The following GPC6 variants were observed in gnomAD, a reference collection of about 807,000 sequenced individuals.
GPC6 encodes glypican 6.
Under a neutral mutation model 55.2 loss-of-function variants are expected in GPC6, and 14 were observed. That is an observed-to-expected ratio of 0.25 (90% CI 0.17 to 0.40). The LOEUF is 0.40. Ranked by LOEUF, GPC6 falls within the 10% of genes least tolerant of loss-of-function variation. GPC6 has a pLI of 1.00. For missense variants in GPC6, 641 were observed against 708.5 expected, an observed-to-expected ratio of 0.90 and a Z score of 1.08; for synonymous variants, 278 against 259.6, an observed-to-expected ratio of 1.07 and a Z score of -0.68.
rs75079228 is a variant in GPC6 at position 93,797,674 on chromosome 13, C to T, written c.320-32480C>T. Reference sequence around the variant, plus strand: ...TTCATAAACTTCAGACAGAGGAGAACGTGTGAAATAATGGCCTAAGAGAGA... The same window carrying T: ...TTCATAAACTTCAGACAGAGGAGAATGTGTGAAATAATGGCCTAAGAGAGA... On this transcript the variant is annotated intron_variant, in intron 2 of 8. Transcript: ENST00000377047. 2.7e-3 allele frequency among the ~76,000 whole-genome samples: 413 copies of T among 151,996 alleles called. 5 individuals carry two copies. The East Asian group carries it at 0.048, about 17-fold the overall frequency.
chr13:93,967,462 T>C (rs1217580883), intron 3 of GPC6, among the ~76,000 whole-genome samples: 1 of 152,194 alleles, frequency 6.6e-6, no homozygotes, highest in East Asian at 1.9e-4. Flanking sequence ...CATTCCTACA[T>C]GCTCATATTT....
At chr13:93,880,624 T>G (rs999161315) in intron 3 of GPC6, among the ~76,000 whole-genome samples, 3 of 152,100 alleles carry the variant, frequency 2.0e-5, no homozygotes, top group Middle Eastern at 3.4e-3. Flanking sequence ...AGATGACGAG[T>G]TAATGGGTGC....
chr13:94,144,455 A>G, intron 4 of GPC6, among the ~76,000 whole-genome samples: 1 of 150,404 alleles, frequency 6.6e-6, no homozygotes, highest in Non-Finnish European at 1.5e-5. Flanking sequence ...CAGAAATGGA[A>G]CACCCATTTT....
intron 3 of GPC6, among the ~76,000 whole-genome samples, chr13:93,918,109 AT>A (rs1421907706): frequency 4.0e-5 from 6 of 149,548 alleles, no homozygotes; most frequent in Non-Finnish European, 1.5e-5. Context: ...AAAAAAAAAA[AT>A]CACATCTAAC....
At chr13:94,033,769 T>C (rs1267188655) in intron 4 of GPC6, among the ~76,000 whole-genome samples, 2 of 152,082 alleles carry the variant, frequency 1.3e-5, no homozygotes, top group African/African-American at 2.4e-5. Context: ...AATCTAAACA[T>C]AGAAAATGAT....
chr13:94,244,048 CAAGAT>C (rs1024887072), intron 4 of GPC6, among the ~76,000 whole-genome samples: 6 of 152,112 alleles, frequency 3.9e-5, no homozygotes, highest in Non-Finnish European at 8.8e-5. Flanking sequence ...AAAGGAAAGA[CAAGAT>C]AAATGTTTAA....
chr13:93,226,298 T>C (rs1397851401), upstream of GPC6, among the ~76,000 whole-genome samples: 6 of 152,212 alleles, frequency 3.9e-5, no homozygotes. Flanking sequence ...TAATGATTTC[T>C]GATCGAAGGC....
At chr13:94,240,079 G>A (rs997996163) in intron 4 of GPC6, among the ~76,000 whole-genome samples, 13 of 152,108 alleles carry the variant, frequency 8.5e-5, no homozygotes, top group Admixed American at 2.6e-4. Context: ...TAATAGCAGA[G>A]AGGCATATTT....
intron 6 of GPC6, among the ~76,000 whole-genome samples, chr13:94,318,831 A>G (rs996471150): frequency 1.3e-5 from 2 of 152,192 alleles, no homozygotes; most frequent in South Asian, 2.1e-4. Context: ...ATCAGTATAT[A>G]TAGTGATTTC....
chr13:93,585,908 T>C (rs1383077735), intron 2 of GPC6, among the ~76,000 whole-genome samples: 1 of 152,202 alleles, frequency 6.6e-6, no homozygotes, highest in African/African-American at 2.4e-5. Context: ...GAGCAGGCAC[T>C]GTCTAGGATG....
intron 1 of GPC6, among the ~76,000 whole-genome samples, chr13:93,257,560 A>G (rs749864684): frequency 5.3e-5 from 8 of 152,214 alleles, no homozygotes; most frequent in Non-Finnish European, 1.2e-4. Context: ...ATAAAACAGA[A>G]CATTTATTGA....
intron 1 of GPC6, among the ~76,000 whole-genome samples, chr13:93,466,356 T>C (rs955851266): frequency 2.0e-5 from 3 of 152,254 alleles, no homozygotes; most frequent in African/African-American, 4.8e-5. Flanking sequence ...AATTATTTTC[T>C]GAATATTTAC....
chr13:94,060,391 A>G (rs1884278259), intron 4 of GPC6, among the ~76,000 whole-genome samples: 1 of 152,180 alleles, frequency 6.6e-6, no homozygotes, highest in Non-Finnish European at 1.5e-5. Flanking sequence ...TGCCTAAAAC[A>G]GTGACTGGCA....
chr13:93,225,725 T>C (rs1373547981), upstream of GPC6, among the ~76,000 whole-genome samples: 1 of 152,158 alleles, frequency 6.6e-6, no homozygotes, highest in African/African-American at 2.4e-5. Flanking sequence ...ACTCAAAGAT[T>C]TAAACTTCAT....
intron 1 of GPC6, among the ~76,000 whole-genome samples, chr13:93,270,636 T>C (rs1877485652): frequency 6.6e-6 from 1 of 151,958 alleles, no homozygotes; most frequent in South Asian, 2.1e-4. Flanking sequence ...TCTTCTGCCT[T>C]TTATACCAGG....
At chr13:94,212,035 CT>C (rs1890096088) in intron 4 of GPC6, among the ~76,000 whole-genome samples, 1 of 152,134 alleles carries the variant, frequency 6.6e-6, no homozygotes, top group Non-Finnish European at 1.5e-5. Context: ...TCAATGAGGA[CT>C]TTATTAGCAC....
intron 1 of GPC6, among the ~76,000 whole-genome samples, chr13:93,288,398 A>G (rs1878206479): frequency 6.6e-6 from 1 of 152,180 alleles, no homozygotes; most frequent in African/African-American, 2.4e-5. Flanking sequence ...ACACTAATCA[A>G]TCCAGATAAA....
At chr13:94,400,076 G>A (rs1175276826) in intron 8 of GPC6, among the ~76,000 whole-genome samples, 1 of 152,208 alleles carries the variant, frequency 6.6e-6, no homozygotes, top group Non-Finnish European at 1.5e-5. Flanking sequence ...CTCAGGGAAT[G>A]GCCAGGAGGC....
At chr13:94,288,675 A>G (rs72632649) in intron 5 of GPC6, among the ~76,000 whole-genome samples, 5,676 of 141,760 alleles carry the variant, frequency 0.04, 228 homozygotes, top group East Asian at 0.19. Context: ...TCCATCTTGC[A>G]ATTCTCTATC....
Sources: gnomAD v4.1 joint callset for allele counts (sites outside exome capture counted in the v4.1 genomes callset) on GRCh38, gnomAD v4.1.1 for gene constraint, MANE v1.5 for transcripts, NCBI Gene and HGNC (gene_info 2026-07-23, HGNC 2026-07-21) for gene names.